CFAP20DC: variants seen among roughly 807,000 people sequenced by gnomAD.
CFAP20DC encodes protein CFAP20DC.
Under a neutral mutation model 101.7 loss-of-function variants are expected in CFAP20DC, and 84 were observed. The observed-to-expected ratio is 0.83, with a 90% CI of 0.69 to 0.99. The LOEUF (loss-of-function observed/expected upper bound fraction) is 0.99, where lower values mean the gene tolerates loss of function less well. Ranked by LOEUF, CFAP20DC falls within the 50% of genes least tolerant of loss-of-function variation. The pLI is 0.00. For synonymous variants in CFAP20DC, 359 were observed against 351.2 expected, an observed-to-expected ratio of 1.02 and a Z score of -0.25; for missense variants, 1,007 against 970.3, an observed-to-expected ratio of 1.04 and a Z score of -0.50.
intron 13 of CFAP20DC, among the ~76,000 whole-genome samples, chr3:58,841,331 A>AAGAG (rs971436777): frequency 4.6e-5 from 7 of 152,344 alleles, no homozygotes; most frequent in African/African-American, 1.7e-4. Flanking sequence ...GGCAAATGGA[A>AAGAG]AGAGAGAGAG....
rs953340881 is a variant in CFAP20DC at position 58,721,350 on chromosome 3, C to T, written c.198-3722G>A. On this transcript the variant is annotated intron_variant, in intron 3 of 3. Transcript: ENST00000486145. This position sits in a 1 kb window ranked among gnomAD's most constrained non-coding sequence, Gnocchi z 5.2. Reference sequence around the variant, plus strand: ...TCACCAAAATCAGAGTTAATGACCTCATGGAGTTTATAGTCAGAATGAAGA... The same window carrying T: ...TCACCAAAATCAGAGTTAATGACCTTATGGAGTTTATAGTCAGAATGAAGA... Among the ~76,000 whole-genome samples the T allele has an allele frequency of 6.6e-6, 1 of 152,110 alleles. No homozygotes were observed. The highest frequency in any genetic ancestry group is 2.4e-5 in the African/African-American group (1 of 41,410).
intron 15 of CFAP20DC, among the ~76,000 whole-genome samples, chr3:58,760,468 T>C (rs1335562129): frequency 1.3e-5 from 2 of 152,200 alleles, no homozygotes; most frequent in Non-Finnish European, 2.9e-5. Flanking sequence ...TATACAATCA[T>C]GTCATCTGCA....
chr3:59,020,117 A>G (rs2093773491), intron 4 of CFAP20DC, among the ~76,000 whole-genome samples: 1 of 152,062 alleles, frequency 6.6e-6, no homozygotes, highest in Non-Finnish European at 1.5e-5. Context: ...ATATGTTTTT[A>G]TAGGTATTTA....
chr3:58,807,456 G>C (rs2074192853), intron 14 of CFAP20DC, among the ~76,000 whole-genome samples: 1 of 152,204 alleles, frequency 6.6e-6, no homozygotes, highest in Admixed American at 6.5e-5. Flanking sequence ...CAGGCAAATA[G>C]GGTCTGGAGT....
At chr3:58,902,174 T>A (rs2083205961) in intron 6 of CFAP20DC, among the ~76,000 whole-genome samples, 1 of 145,914 alleles carries the variant, frequency 6.9e-6, no homozygotes, top group South Asian at 2.1e-4. Flanking sequence ...ACATACATCA[T>A]TTTTTAATCC....
chr3:58,977,159 A>C (rs2092313375), intron 4 of CFAP20DC, among the ~76,000 whole-genome samples: 1 of 152,160 alleles, frequency 6.6e-6, no homozygotes, highest in South Asian at 2.1e-4. Flanking sequence ...GTTTTGCTTG[A>C]AGTCTCAATT....
intron 10 of CFAP20DC, 29 bp downstream of exon 10, chr3:58,867,788 T>C: frequency 3.7e-6 from 6 of 1,612,880 alleles, no homozygotes; most frequent in Non-Finnish European, 5.1e-6. Flanking sequence ...AATATACAGA[T>C]ATAAGATAGG....
downstream of CFAP20DC, among the ~76,000 whole-genome samples, chr3:58,741,527 C>T (rs868583150): frequency 2.0e-4 from 30 of 150,256 alleles, no homozygotes; most frequent in African/African-American, 6.4e-4. Context: ...GACAGAGTCT[C>T]GCTCTGTTGC....
chr3:58,753,082 C>A (rs2068688960), intron 16 of CFAP20DC, among the ~76,000 whole-genome samples: 2 of 152,164 alleles, frequency 1.3e-5, no homozygotes, highest in African/African-American at 2.4e-5. Context: ...CCACGCACAC[C>A]TGACAGTCAA....
In CFAP20DC at chr3:59,006,895, C is replaced by G. The variant is rs940542607; in HGVS notation, c.278+32662G>C. Among the ~76,000 whole-genome samples, 12 of 152,180 alleles carry G rather than the reference C, an allele frequency of 7.9e-5. No homozygotes were observed. The highest frequency in any genetic ancestry group is 1.6e-4 in the Non-Finnish European group (11 of 68,030). On this transcript the variant is annotated intron_variant, in intron 4 of 16. Transcript: ENST00000482387. This position sits in a 1 kb window ranked among gnomAD's most constrained non-coding sequence, Gnocchi z 4.3. The stretch of plus-strand genomic sequence containing the variant: ...CTGACATTGTAGGCAGACTGGGAGG[C>G]AAGGCCTGAAAGCCTTGCTTGCTTT...
chr3:58,929,616 T>C (rs2086364691), intron 5 of CFAP20DC, among the ~76,000 whole-genome samples: 2 of 152,238 alleles, frequency 1.3e-5, no homozygotes, highest in Non-Finnish European at 2.9e-5. Context: ...AAACTTCTAC[T>C]GCAAACAGAA....
chr3:58,935,907 G>A (rs1472028836), intron 5 of CFAP20DC, among the ~76,000 whole-genome samples: 1 of 151,984 alleles, frequency 6.6e-6, no homozygotes, highest in Non-Finnish European at 1.5e-5. Flanking sequence ...GGCAACAAAA[G>A]CCAAAATTGA....
intron 5 of CFAP20DC, among the ~76,000 whole-genome samples, chr3:58,936,572 C>T (rs2087663293): frequency 6.6e-6 from 1 of 152,142 alleles, no homozygotes; most frequent in African/African-American, 2.4e-5. Flanking sequence ...GGCACATATA[C>T]ACCATGGAAT....
Position 58,769,861 on chromosome 3 carries a change from A to C in CFAP20DC, c.2238-15998T>G, listed in dbSNP as rs142849811. The stretch of plus-strand genomic sequence containing the variant: ...AGGTATGCAATAAACACTCATACAA[A>C]TGGGAAATCATACTCTTTCTTCTGG... On this transcript the variant is annotated intron_variant, in intron 15 of 16. Coordinates refer to ENST00000482387, the MANE Select transcript of CFAP20DC (RefSeq NM_001394063.1). 4.6e-5 allele frequency among the ~76,000 whole-genome samples: 7 copies of C among 152,268 alleles called. No individual in the cohort carries two copies. The East Asian group carries it at 1.3e-3, about 29-fold the overall frequency.
chr3:58,913,711 C>A lies in CFAP20DC; in HGVS notation c.547G>T (p.Asp183Tyr). The A allele has an allele frequency of 6.2e-7, 1 of 1,613,572 alleles. No individual in the cohort carries two copies. The highest frequency in any genetic ancestry group is 8.5e-7 in the Non-Finnish European group (1 of 1,179,686). The change falls in exon 6 of 17, where the codon GAT becomes TAT. Residue 183 changes from aspartate (D) to tyrosine (Y), a missense_variant. Transcript: ENST00000482387. This position sits in a 1 kb window ranked among gnomAD's most constrained non-coding sequence, Gnocchi z 4.4. The part of the protein sequence containing the change: ...KSKPQDTADK[D>Y]AVYGVPFSTD... Reference sequence around the variant, plus strand: ...CTTGATAGCAACCTGAACATACCATCCTTATCAGCAGTGTCTTGTGGCTTT... The same window carrying A: ...CTTGATAGCAACCTGAACATACCATACTTATCAGCAGTGTCTTGTGGCTTT...
intron 15 of CFAP20DC, among the ~76,000 whole-genome samples, chr3:58,801,508 A>G (rs763497722): frequency 6.6e-6 from 1 of 152,212 alleles, no homozygotes; most frequent in South Asian, 2.1e-4. Flanking sequence ...GAGGAACATT[A>G]AAGTTCTGTA....
intron 5 of CFAP20DC, among the ~76,000 whole-genome samples, chr3:58,931,785 A>G (rs1006230275): frequency 5.3e-5 from 8 of 152,240 alleles, no homozygotes; most frequent in Admixed American, 3.3e-4. Flanking sequence ...CATCACCATC[A>G]TCAAAGACCA....
chr3:58,912,900 G>A lies in CFAP20DC; in HGVS notation c.550+808C>T, dbSNP rs1308794659. On this transcript the variant is annotated intron_variant, in intron 6 of 16. Transcript: ENST00000482387. The surrounding 1 kb of genome is among the most constrained non-coding windows in gnomAD (Gnocchi z 4.4). ...AATGACTTCCTGAAATGTACACAGA[G>A]TAATAAGACAGCATAATGGACAGAG... 2.0e-5 allele frequency among the ~76,000 whole-genome samples: 3 copies of A among 152,122 alleles called. No homozygotes were observed. Among genetic ancestry groups the A allele is most frequent in the Non-Finnish European group, 4.4e-5 (3 of 68,028 alleles).
At chr3:58,908,900 A>T (rs938020217) in intron 6 of CFAP20DC, among the ~76,000 whole-genome samples, 18 of 152,186 alleles carry the variant, frequency 1.2e-4, no homozygotes, top group African/African-American at 4.1e-4. Flanking sequence ...AGCCAATCTG[A>T]AAAGGCTACA....
Sources: allele counts gnomAD v4.1 joint callset (sites outside exome capture counted in the v4.1 genomes callset), GRCh38; gene constraint gnomAD v4.1.1; non-coding constraint Gnocchi (gnomAD v3.1); transcripts MANE v1.5; gene names NCBI Gene and HGNC (gene_info 2026-07-23, HGNC 2026-07-21).